Variants in RALY observed in about 807,000 individuals in gnomAD.
The protein encoded by RALY is RNA-binding protein Raly.
Under a neutral mutation model 30.7 loss-of-function variants are expected in RALY, and 15 were observed. That is an observed-to-expected ratio of 0.49 (90% CI 0.33 to 0.75). RALY has a LOEUF of 0.75. Ranked by LOEUF, RALY falls within the 30% of genes least tolerant of loss-of-function variation. The pLI is 0.02. For missense variants in RALY, 339 were observed against 414.3 expected (o/e 0.82, Z 1.58); for synonymous variants, 177 against 170.8 (o/e 1.04, Z -0.28).
In RALY at chr20:34,080,312, C is replaced by T. The variant is rs947588415; in HGVS notation, c.*407C>T. ...GTTTTCTCATGAAGATATCCCGGCC[C>T]CTCTGCCAACCAAAAAGCTGGTCTA... On this transcript the variant is annotated 3_prime_UTR_variant, in exon 10 of 10. Coordinates refer to ENST00000246194, the MANE Select transcript of RALY (RefSeq NM_016732.3). 1 of 152,264 alleles carries T rather than the reference C, an allele frequency of 6.6e-6. No individual in the cohort carries two copies. The highest frequency in any genetic ancestry group is 1.5e-5 in the Non-Finnish European group (1 of 68,096). The allele number at this position is 152,264 out of a possible 1,614,324, so 9.4% of individuals were successfully genotyped here. A position where few individuals can be genotyped will look rare whatever the true frequency, so the allele number is the denominator to read the frequency against.
At chr20:34,050,017 C>CTA (rs1431492238) in intron 2 of RALY, among the ~76,000 whole-genome samples, 1 of 152,204 alleles carries the variant, frequency 6.6e-6, no homozygotes, top group Admixed American at 6.5e-5. Context: ...AGGCTGGACT[C>CTA]TAAACTTTTA....
rs944817349 is a variant in RALY, at chr20:33,998,164, G to A, written c.-93+4033G>A. Among the ~76,000 whole-genome samples, 3 of 152,318 alleles carry A rather than the reference G, an allele frequency of 2.0e-5. No homozygotes were observed. In the South Asian group the frequency reaches 6.2e-4, roughly 32 times the overall value. ...CCTGGTGCTACGCTTAGGGATTTGG[G>A]TTTGTATAGCGTAGTGGGAAAGATA... On this transcript the variant is annotated intron_variant, in intron 1 of 9. Transcript: ENST00000246194.
At chr20:34,045,780 G>T (rs1203085524) in intron 2 of RALY, among the ~76,000 whole-genome samples, 1 of 152,234 alleles carries the variant, frequency 6.6e-6, no homozygotes, top group East Asian at 1.9e-4. Flanking sequence ...CATGGCTAGA[G>T]TGGTCCTTGG....
chr20:34,041,084 G>A (rs2032682528), intron 2 of RALY, among the ~76,000 whole-genome samples: 1 of 152,226 alleles, frequency 6.6e-6, no homozygotes. Flanking sequence ...CACTGAGTTA[G>A]AAGCTATGTT....
intron 9 of RALY, among the ~76,000 whole-genome samples, chr20:34,078,921 T>C (rs2033969472): frequency 6.6e-6 from 1 of 152,118 alleles, no homozygotes; most frequent in Non-Finnish European, 1.5e-5. Context: ...GGCCAGGTCA[T>C]GGAAGAGATG....
At chr20:34,049,828 C>T (rs143367860) in intron 2 of RALY, among the ~76,000 whole-genome samples, 24 of 152,308 alleles carry the variant, frequency 1.6e-4, no homozygotes, top group African/African-American at 5.1e-4. Flanking sequence ...ATCCAAATCC[C>T]GTGCTCTTAT....
rs137987126 is a variant in RALY, at chr20:34,063,707, T to C, written c.-9-8359T>C. Among the ~76,000 whole-genome samples, 5 of 152,288 alleles carry C rather than the reference T, an allele frequency of 3.3e-5. No individual in the cohort carries two copies. The East Asian group carries it at 9.6e-4, about 29-fold the overall frequency. ...TTTCAAACTTCTATTTCCAGCTCTA[T>C]GTACAGGAGGAAGAGGAGAATAAGG... On this transcript the variant is annotated intron_variant, in intron 2 of 9. Coordinates refer to ENST00000246194, the MANE Select transcript of RALY (RefSeq NM_016732.3).
intron 1 of RALY, among the ~76,000 whole-genome samples, chr20:34,012,014 C>T (rs932103135): frequency 8.6e-5 from 13 of 151,238 alleles, no homozygotes; most frequent in East Asian, 7.8e-4. Flanking sequence ...TGCAGTAAGC[C>T]GAGCTTGCGC....
chr20:34,076,604 T>C (rs1240536220), intron 6 of RALY, 98 bp from the exon 7 acceptor site: 2 of 1,089,738 alleles, frequency 1.8e-6, no homozygotes, highest in Non-Finnish European at 2.6e-6. Flanking sequence ...AAACAAAAAA[T>C]AACTGCTTTC....
chr20:34,025,899 G>GTTTTTTTTTTTTTTTTTTTTTTTTTTTT (rs35827160), intron 1 of RALY, among the ~76,000 whole-genome samples: 1 of 75,916 alleles, frequency 1.3e-5, no homozygotes, highest in Non-Finnish European at 2.4e-5. Flanking sequence ...ATTCCTGGTT[G>GTTTTTTTTTTTTTTTTTTTTTTTTTTTT]TTTTTTTTTT....
intron 2 of RALY, among the ~76,000 whole-genome samples, chr20:34,063,689 C>T (rs2033483313): frequency 6.6e-6 from 1 of 152,176 alleles, no homozygotes; most frequent in Non-Finnish European, 1.5e-5. Flanking sequence ...GTATTTCAAA[C>T]TTCTATTTCC....
At chr20:34,035,843 G>C (rs949667884) in intron 2 of RALY, among the ~76,000 whole-genome samples, 1 of 152,296 alleles carries the variant, frequency 6.6e-6, no homozygotes, top group Non-Finnish European at 1.5e-5. Context: ...GGAGACACTG[G>C]ATTATTAAAG....
intron 1 of RALY, among the ~76,000 whole-genome samples, chr20:34,005,190 C>T (rs1441792508): frequency 6.6e-6 from 1 of 152,062 alleles, no homozygotes. Context: ...GGCCCCCTCT[C>T]GAGGAGACTA....
At chr20:34,033,880 C>A (rs529816022) in intron 2 of RALY, among the ~76,000 whole-genome samples, 2 of 152,204 alleles carry the variant, frequency 1.3e-5, no homozygotes, top group Non-Finnish European at 2.9e-5. Context: ...CTCCTCCTCT[C>A]CTTTCTTTTG....
At chr20:34,077,556 A>C (rs1405876922) in intron 8 of RALY, 7 of 479,972 alleles carry the variant, frequency 1.5e-5, no homozygotes, top group Non-Finnish European at 1.9e-5. Context: ...CGGCCTGCAG[A>C]GCTTCAGAGC....
intron 1 of RALY, among the ~76,000 whole-genome samples, chr20:33,995,311 CTG>C (rs1269541113): frequency 6.6e-6 from 1 of 152,186 alleles, no homozygotes; most frequent in Non-Finnish European, 1.5e-5. Context: ...AGCTTTGAGA[CTG>C]TAAACGGTGG....
chr20:34,026,993 C>G (rs1047989309), intron 1 of RALY, among the ~76,000 whole-genome samples: 1 of 152,050 alleles, frequency 6.6e-6, no homozygotes, highest in Non-Finnish European at 1.5e-5. Context: ...GCAGGTAGTT[C>G]GTAAGACCCT....
intron 9 of RALY, 21 bp from the exon 10 acceptor site, chr20:34,079,889 T>C (rs1381590718): frequency 6.6e-6 from 1 of 152,278 alleles, no homozygotes; most frequent in Non-Finnish European, 1.5e-5. Flanking sequence ...AGTCTCTTCT[T>C]TCTCTCTCTC....
At chr20:34,043,998 C>T (rs533548914) in intron 2 of RALY, among the ~76,000 whole-genome samples, 4 of 152,016 alleles carry the variant, frequency 2.6e-5, no homozygotes, top group Admixed American at 1.3e-4. Flanking sequence ...AGTTGGACTT[C>T]AAAGATGAGG....
Sources: allele counts gnomAD v4.1 joint callset (sites outside exome capture counted in the v4.1 genomes callset), GRCh38; gene constraint gnomAD v4.1.1; transcripts MANE v1.5; gene names NCBI Gene and HGNC (gene_info 2026-07-23, HGNC 2026-07-21).